CSK: variants seen among roughly 807,000 people sequenced by gnomAD.
CSK encodes the protein tyrosine-protein kinase CSK.
Under a neutral mutation model 62.3 loss-of-function variants are expected in CSK, and 7 were observed. That is an observed-to-expected ratio of 0.11 (90% confidence interval 0.06 to 0.21). CSK has a LOEUF of 0.21. CSK is among the 10% of genes least tolerant of loss of function. The pLI is 1.00. For missense variants in CSK, 294 were observed against 613.5 expected (o/e 0.48, Z 5.50); for synonymous variants, 237 against 246.0 (o/e 0.96, Z 0.34).
At chr15:74,799,602 G>C in intron 5 of CSK, 111 bp downstream of exon 5, 2 of 1,144,518 alleles carry the variant, frequency 1.7e-6, no homozygotes, top group Non-Finnish European at 2.5e-6. Flanking sequence ...CCAGCCATGT[G>C]GGGCAACTTC....
intron 1 of CSK, among the ~76,000 whole-genome samples, chr15:74,789,015 C>T (rs949562775): frequency 6.6e-6 from 1 of 152,196 alleles, no homozygotes; most frequent in South Asian, 2.1e-4. Context: ...AGCCTCAAGC[C>T]GCAGCGGTGC....
intron 6 of CSK, 42 bp from the exon 7 acceptor site, chr15:74,800,639 G>T: frequency 6.5e-7 from 1 of 1,536,614 alleles, no homozygotes. Flanking sequence ...TCCCAGCCAT[G>T]TCCCTAGTGG....
At chr15:74,789,954 C>T (rs1356997953) in intron 1 of CSK, among the ~76,000 whole-genome samples, 1 of 152,202 alleles carries the variant, frequency 6.6e-6, no homozygotes, top group Non-Finnish European at 1.5e-5. Context: ...GAGTGGTGAC[C>T]TTGGGTCCCC....
intron 1 of CSK, among the ~76,000 whole-genome samples, chr15:74,788,322 A>G (rs1248130907): frequency 1.3e-5 from 2 of 152,026 alleles, no homozygotes; most frequent in East Asian, 3.9e-4. Context: ...GGTGCCCCCC[A>G]CCTGTCCATT....
chr15:74,795,013 G>A (rs1166381512), intron 1 of CSK, among the ~76,000 whole-genome samples: 1 of 152,112 alleles, frequency 6.6e-6, no homozygotes, highest in Non-Finnish European at 1.5e-5. Flanking sequence ...AAGTGTGTGG[G>A]GTCCTAGAGC....
At position 74,798,725 on chromosome 15, in the gene CSK, C is replaced by G; in HGVS notation, c.126C>G (p.Thr42=). 6.2e-7 allele frequency: 1 copy of G among 1,613,442 alleles called. No individual in the cohort carries two copies. Among genetic ancestry groups the G allele is most frequent in the Non-Finnish European group, 8.5e-7 (1 of 1,179,798 alleles). Residue 42 remains threonine (T), a synonymous_variant, in exon 3 of 13, where the codon ACC becomes ACG. Transcript: ENST00000220003. This position sits in a 1 kb window ranked among gnomAD's most constrained non-coding sequence, Gnocchi z 6.6. ...KGDVLTIVAV[T]KDPNWYKAKN... is the part of the protein sequence containing the mutation. ...ACGTGCTCACCATTGTGGCCGTCAC[C>G]AAGGTAATCAGGTGACGCCCACCCC...
chr15:74,801,173 C>T, intron 9 of CSK, 71 bp downstream of exon 9: 1 of 1,551,246 alleles, frequency 6.4e-7, no homozygotes, highest in Non-Finnish European at 8.9e-7. Flanking sequence ...CTCTAGGGCC[C>T]CTGCTCCCTC....
At chr15:74,796,093 C>T (rs1004148783) in intron 1 of CSK, among the ~76,000 whole-genome samples, 6 of 152,062 alleles carry the variant, frequency 3.9e-5, no homozygotes, top group African/African-American at 1.2e-4. Flanking sequence ...TGGCGCACGC[C>T]TATGATCCCA....
intron 1 of CSK, among the ~76,000 whole-genome samples, chr15:74,795,871 T>C (rs988897749): frequency 6.6e-6 from 1 of 152,228 alleles, no homozygotes; most frequent in African/African-American, 2.4e-5. Flanking sequence ...TTGTTTGTTA[T>C]ATATATTATA....
At chr15:74,794,109 C>G (rs1312495486) in intron 1 of CSK, among the ~76,000 whole-genome samples, 1 of 141,156 alleles carries the variant, frequency 7.1e-6, no homozygotes, top group African/African-American at 2.6e-5. Context: ...CCCCCACCCC[C>G]ACAGCTTACA....
rs2063745086 is a variant in CSK, at chr15:74,798,780, AG to A, written c.130-41del. On this transcript the variant is annotated intron_variant, in intron 3 of 12. Coordinates refer to ENST00000220003, the MANE Select transcript of CSK (RefSeq NM_004383.3). The surrounding 1 kb of genome is among the most constrained non-coding windows in gnomAD (Gnocchi z 6.6). ...TCCCACTGCTGGGCCTTCCCTCTGC[AG>A]GGGGAGGTGGGCCTGAGAGCATGTC... is the stretch of plus-strand genomic sequence containing the variant. The A allele has an allele frequency of 6.2e-7, 1 of 1,606,538 alleles. No individual in the cohort carries two copies. The highest frequency in any genetic ancestry group is 2.2e-5 in the East Asian group (1 of 44,788).
At chr15:74,800,579 A>G in intron 6 of CSK, 74 bp downstream of exon 6, 1 of 1,555,742 alleles carries the variant, frequency 6.4e-7, no homozygotes, top group Non-Finnish European at 8.7e-7. Context: ...TGCCCCATCC[A>G]GGAACCTCCA....
At chr15:74,790,458 C>G (rs980592200) in intron 1 of CSK, among the ~76,000 whole-genome samples, 2 of 152,214 alleles carry the variant, frequency 1.3e-5, no homozygotes, top group Non-Finnish European at 2.9e-5. Context: ...ACAAGAAAGG[C>G]TGCCTGAGGC....
rs1184719558 is a variant in CSK at position 74,782,914 on chromosome 15, G to A, written c.-66+194G>A. Among the ~76,000 whole-genome samples, 1 of 152,246 alleles carries A rather than the reference G, an allele frequency of 6.6e-6. No homozygotes were observed. The highest frequency in any genetic ancestry group is 1.5e-5 in the Non-Finnish European group (1 of 68,040). ...GTCAGAACCCAAATTGGAAGGGAGT[G>A]CATGAGGGAGGTACTGCCCTGCAGC... On this transcript the variant is annotated intron_variant, in intron 1 of 12. Transcript: ENST00000220003. This position sits in a 1 kb window ranked among gnomAD's most constrained non-coding sequence, Gnocchi z 5.7.
At chr15:74,797,689 G>A (rs2063727657) in intron 1 of CSK, among the ~76,000 whole-genome samples, 2 of 151,600 alleles carry the variant, frequency 1.3e-5, no homozygotes, top group South Asian at 4.1e-4. Context: ...CCCAGTTTGA[G>A]GTTTATTACA....
intron 1 of CSK, among the ~76,000 whole-genome samples, chr15:74,785,323 T>C (rs2063498723): frequency 6.6e-6 from 1 of 152,214 alleles, no homozygotes; most frequent in Admixed American, 6.5e-5. Flanking sequence ...GCTGGCCTGC[T>C]GCAGCGCCAT....
chr15:74,802,452 C>G lies in CSK; in HGVS notation c.1292C>G (p.Pro431Arg). 6.2e-7 allele frequency: 1 copy of G among 1,612,754 alleles called. No homozygotes were observed. The highest frequency in any genetic ancestry group is 8.5e-7 in the Non-Finnish European group (1 of 1,179,776). ...NCWHLDAAMR[P>R]SFLQLREQLE... ...TGGCACCTGGACGCCGCCATGCGGC[C>G]CTCCTTCCTACAGCTCCGAGAGCAG... is the stretch of plus-strand genomic sequence containing the variant. The change falls in exon 13 of 13, where the codon CCC becomes CGC. Residue 431 changes from proline (P) to arginine (R), a missense_variant. Physicochemically the swap from Pro to Arg is moderately radical, Grantham distance 103. Around this residue, in one of 3 missense-constraint regions of CSK, gnomAD observed 66 missense variants for 99.3 expected, o/e 0.66. Transcript: ENST00000220003.
At position 74,801,855 on chromosome 15, in the gene CSK, G is replaced by A; in HGVS notation, c.1048G>A (p.Val350Ile). 6.2e-7 allele frequency: 1 copy of A among 1,613,648 alleles called. No homozygotes were observed. The highest frequency in any genetic ancestry group is 2.2e-5 in the East Asian group (1 of 44,872). The change falls in exon 11 of 13, where the codon GTC becomes ATC. Residue 350 changes from valine to isoleucine, a missense_variant. By Grantham distance (29) the Val-to-Ile change is conservative. This residue lies in a region of CSK where 26 missense variants were observed against 98.4 expected (regional missense o/e 0.26). Coordinates refer to ENST00000220003, the MANE Select transcript of CSK (RefSeq NM_004383.3). Reference protein sequence around the residue: ...SSTQDTGKLPVKWTAPEALRE... With the variant: ...SSTQDTGKLPIKWTAPEALRE... ...CACCCAGGACACGGGCAAGCTGCCA[G>A]TCAAGTGGACAGCCCCTGAGGCCCT...
At chr15:74,785,734 A>G (rs36024586) in intron 1 of CSK, among the ~76,000 whole-genome samples, 333 of 152,226 alleles carry the variant, frequency 2.2e-3, no homozygotes, top group African/African-American at 7.8e-3. Flanking sequence ...GCCAATGTTG[A>G]CTGACCACTC....
Sources: allele counts gnomAD v4.1 joint callset (sites outside exome capture counted in the v4.1 genomes callset), GRCh38; gene constraint gnomAD v4.1.1; regional missense constraint gnomAD v4.1.1; non-coding constraint Gnocchi (gnomAD v3.1); transcripts MANE v1.5; gene names NCBI Gene and HGNC (gene_info 2026-07-23, HGNC 2026-07-21).